Variants in C2orf74 observed in about 807,000 individuals in gnomAD.
C2orf74 encodes uncharacterized protein C2orf74.
C2orf74 carries 14 observed loss-of-function variants against 17.9 expected under a neutral mutation model. The ratio of observed to expected loss-of-function variants is 0.78; its 90% CI spans 0.52 to 1.22. The LOEUF (loss-of-function observed/expected upper bound fraction) is 1.22. Among genes scored for constraint, C2orf74 ranks in the 50% most tolerant of loss-of-function variants. The probability of loss-of-function intolerance (pLI) is 0.00; values close to 1 mark genes in which losing one functional copy is unlikely to be tolerated. For missense variants in C2orf74, 217 were observed against 218.4 expected (o/e 0.99, Z 0.04); for synonymous variants, 79 against 72.6 (o/e 1.09, Z -0.44).
At chr2:61,148,171 A>G (rs1685126103) in intron 1 of C2orf74, among the ~76,000 whole-genome samples, 1 of 147,930 alleles carries the variant, frequency 6.8e-6, no homozygotes, top group African/African-American at 2.5e-5. Context: ...TATTATATAT[A>G]TAATATATAA....
chr2:61,153,523 T>C (rs1032520807), intron 1 of C2orf74, among the ~76,000 whole-genome samples: 13 of 151,100 alleles, frequency 8.6e-5, no homozygotes, highest in Non-Finnish European at 1.0e-4. Flanking sequence ...ACCTCGTGAT[T>C]CACCCGCCTT....
At chr2:61,151,783 C>G (rs141986543) in intron 1 of C2orf74, 3 of 152,340 alleles carry the variant, frequency 2.0e-5, no homozygotes, top group Admixed American at 2.0e-4. Context: ...CAGACCCTCA[C>G]TTTTGCTTCA....
intron 1 of C2orf74, among the ~76,000 whole-genome samples, chr2:61,153,615 G>T (rs543526798): frequency 6.6e-6 from 1 of 150,698 alleles, no homozygotes; most frequent in South Asian, 2.1e-4. Flanking sequence ...TAAACTGGGC[G>T]CGGTGGCTCA....
chr2:61,158,213 A>G (rs1685454220), upstream of C2orf74, among the ~76,000 whole-genome samples: 1 of 152,182 alleles, frequency 6.6e-6, no homozygotes, highest in Non-Finnish European at 1.5e-5. Flanking sequence ...GATACCCATG[A>G]GAGTTACTAT....
At position 61,164,345 on chromosome 2, in the gene C2orf74, C is replaced by G. The variant is rs745799081; in HGVS notation, c.391-9C>G. The G allele has an allele frequency of 6.5e-6, 10 of 1,529,290 alleles. No homozygotes were observed. Among genetic ancestry groups the G allele is most frequent in the Middle Eastern group, 3.4e-4 (2 of 5,888 alleles). 94.7% of individuals were successfully genotyped at this position (1,529,290 alleles called of 1,614,324 possible). On this transcript the variant is annotated splice_polypyrimidine_tract_variant and intron_variant, in intron 4 of 4. Transcript: ENST00000432605. ...ATTTGTTTATATTGTTTGTCCCATTCTCTTGCAGGATGATGGTTTGCAGAA... is the reference window on the plus strand; with the variant it reads ...ATTTGTTTATATTGTTTGTCCCATTGTCTTGCAGGATGATGGTTTGCAGAA...
Position 61,163,173 on chromosome 2 carries a change from G to A in C2orf74, c.331G>A (p.Glu111Lys). The A allele has an allele frequency of 6.4e-7, 1 of 1,552,368 alleles. No individual in the cohort carries two copies. The highest frequency in any genetic ancestry group is 8.7e-7 in the Non-Finnish European group (1 of 1,147,102). ...CAGAAGGGACATGGAGGCAGAAGAG[G>A]AGAACCAAATAAATGAGAAGCAAGA... Reference protein sequence around the residue: ...ENRRDMEAEEENQINEKQEPE... With the variant: ...ENRRDMEAEEKNQINEKQEPE... Residue 111 changes from glutamate to lysine, a missense_variant, in exon 4 of 5, where the codon GAG (glutamate) becomes AAG (lysine). By Grantham distance (56) the Glu-to-Lys change is moderately conservative (BLOSUM62 1). Transcript: ENST00000432605.
chr2:61,164,358 A>G lies in C2orf74; in HGVS notation c.395A>G (p.Asp132Gly), dbSNP rs1422980399. Reference sequence around the variant, plus strand: ...GTTTGTCCCATTCTCTTGCAGGATGATGGTTTGCAGAAAATACACACATCT... The same window carrying G: ...GTTTGTCCCATTCTCTTGCAGGATGGTGGTTTGCAGAAAATACACACATCT... ...NAGETGQEEDDGLQKIHTSVT... is the reference protein window; with the variant it reads ...NAGETGQEEDGGLQKIHTSVT... Residue 132 changes from aspartate to glycine, a missense_variant, in exon 5 of 5, where the codon GAT (aspartate) becomes GGT (glycine). Physicochemically the swap from Asp to Gly is moderately conservative, Grantham distance 94 (BLOSUM62 -1). Transcript: ENST00000432605. The G allele has an allele frequency of 2.4e-5, 37 of 1,539,228 alleles. No individual in the cohort carries two copies. The highest frequency in any genetic ancestry group is 3.2e-5 in the Non-Finnish European group (37 of 1,142,606).
chr2:61,162,231 A>T lies in C2orf74; in HGVS notation c.-189A>T. Reference sequence around the variant, plus strand: ...GTCCTGATAGTTTTTGGGGTGAGGGAGGTGAGCTGCGTGATCACACATGTC... The same window carrying T: ...GTCCTGATAGTTTTTGGGGTGAGGGTGGTGAGCTGCGTGATCACACATGTC... On this transcript the variant is annotated 5_prime_UTR_variant, in exon 1 of 5. Coordinates refer to ENST00000432605, the MANE Select transcript of C2orf74 (RefSeq NM_001143959.4). The T allele has an allele frequency of 4.7e-6, 2 of 423,856 alleles. No individual in the cohort carries two copies. The highest frequency in any genetic ancestry group is 8.3e-6 in the Non-Finnish European group (2 of 239,564). 26.3% of individuals were successfully genotyped at this position (423,856 alleles called of 1,614,324 possible).
chr2:61,155,505 TTTTG>T (rs35729703), intron 1 of C2orf74, among the ~76,000 whole-genome samples: 65,959 of 150,516 alleles, frequency 0.44, 14,772 homozygotes, highest in African/African-American at 0.53. Context: ...AATCAAGGCT[TTTTG>T]TTTGTTTGTT....
chr2:61,162,707 A>G (rs1685599619), intron 2 of C2orf74, 98 bp downstream of exon 2: 1 of 1,065,450 alleles, frequency 9.4e-7, no homozygotes, highest in East Asian at 2.6e-5. Context: ...ACAAGTAATG[A>G]TACCATAATT....
chr2:61,159,749 A>T (rs1301896894), upstream of C2orf74, among the ~76,000 whole-genome samples: 1 of 152,242 alleles, frequency 6.6e-6, no homozygotes, highest in African/African-American at 2.4e-5. Flanking sequence ...TGCCTGCTGT[A>T]TACCTGGCCA....
intron 1 of C2orf74, among the ~76,000 whole-genome samples, chr2:61,150,512 G>C (rs1197668583): frequency 6.6e-6 from 1 of 152,160 alleles, no homozygotes; most frequent in Non-Finnish European, 1.5e-5. Flanking sequence ...GAAACACTGA[G>C]ACACCTTGGG....
intron 1 of C2orf74, among the ~76,000 whole-genome samples, chr2:61,153,654 C>T (rs1350626358): frequency 1.0e-4 from 15 of 143,684 alleles, no homozygotes; most frequent in Middle Eastern, 4.0e-3. Flanking sequence ...TTTGGGAGGC[C>T]GAGGTGGGCA....
At chr2:61,146,128 G>A (rs987335575) in intron 1 of C2orf74, among the ~76,000 whole-genome samples, 2 of 152,196 alleles carry the variant, frequency 1.3e-5, no homozygotes, top group African/African-American at 4.8e-5. Flanking sequence ...TGTAAACTAC[G>A]TGAGTATCCA....
At chr2:61,147,743 A>G (rs753235241) in intron 1 of C2orf74, among the ~76,000 whole-genome samples, 3 of 152,026 alleles carry the variant, frequency 2.0e-5, no homozygotes, top group East Asian at 1.9e-4. Flanking sequence ...AATATTTTCT[A>G]CCAGTCTGTG....
intron 1 of C2orf74, among the ~76,000 whole-genome samples, chr2:61,145,482 A>C (rs2105008309): frequency 6.6e-6 from 1 of 152,180 alleles, no homozygotes; most frequent in South Asian, 2.1e-4. Context: ...GGAGTGCAGT[A>C]ATGCAATCTC....
At chr2:61,157,548 G>T (rs952875985), upstream of C2orf74, among the ~76,000 whole-genome samples, 1 of 152,194 alleles carries the variant, frequency 6.6e-6, no homozygotes, top group Non-Finnish European at 1.5e-5. Flanking sequence ...ACAGCTGAAA[G>T]TCCAGCTTCC....
intron 1 of C2orf74, among the ~76,000 whole-genome samples, chr2:61,153,044 C>A (rs527501528): frequency 2.7e-5 from 4 of 146,404 alleles, no homozygotes; most frequent in African/African-American, 1.0e-4. Flanking sequence ...CCCAGCTACT[C>A]GGGAGGCTGA....
At chr2:61,148,812 G>T (rs900981917) in intron 1 of C2orf74, among the ~76,000 whole-genome samples, 7 of 151,354 alleles carry the variant, frequency 4.6e-5, no homozygotes, top group African/African-American at 1.7e-4. Context: ...CGTCTTCCAG[G>T]TTTAAGCGAT....
Sources: gnomAD v4.1 joint callset for allele counts (sites outside exome capture counted in the v4.1 genomes callset) on GRCh38, gnomAD v4.1.1 for gene constraint, MANE v1.5 for transcripts, NCBI Gene and HGNC (gene_info 2026-07-23, HGNC 2026-07-21) for gene names.